The following FRAS1 variants were observed in gnomAD, a reference collection of about 807,000 sequenced individuals.
FRAS1 encodes extracellular matrix organizing protein FRAS1.
In FRAS1, 290 loss-of-function variants were observed where a neutral mutation model predicts 435.2. The observed-to-expected ratio is 0.67, with a 90% CI of 0.61 to 0.73. The LOEUF (loss-of-function observed/expected upper bound fraction) is 0.73. Among genes scored for constraint, FRAS1 ranks in the 30% least tolerant of loss-of-function variants. The pLI, the probability that FRAS1 is intolerant of heterozygous loss-of-function variation, is 0.00. For synonymous variants in FRAS1, 1,800 were observed against 1,851.0 expected (o/e 0.97, Z 0.71); for missense variants, 4,860 against 5,001.5 (o/e 0.97, Z 0.85).
At chr4:78,218,782 T>C (rs1158659323) in intron 2 of FRAS1, among the ~76,000 whole-genome samples, 1 of 152,178 alleles carries the variant, frequency 6.6e-6, no homozygotes, top group Non-Finnish European at 1.5e-5. Context: ...AACCAATTTG[T>C]TTGGGAGATT....
At chr4:78,181,892 T>C in intron 2 of FRAS1, 1 of 1,611,586 alleles carries the variant, frequency 6.2e-7, no homozygotes, top group South Asian at 1.1e-5. Context: ...AGCTGCGCTC[T>C]TGGCCCCAGG....
chr4:78,124,271 A>C (rs1301728603), intron 2 of FRAS1, among the ~76,000 whole-genome samples: 1 of 152,228 alleles, frequency 6.6e-6, no homozygotes, highest in Non-Finnish European at 1.5e-5. Flanking sequence ...ATGATGGATT[A>C]CGTTTATTGA....
intron 2 of FRAS1, among the ~76,000 whole-genome samples, chr4:78,157,836 T>A (rs532903673): frequency 6.6e-6 from 1 of 150,896 alleles, no homozygotes; most frequent in South Asian, 2.1e-4. Flanking sequence ...CATTTATCAA[T>A]TTTTGTTTTT....
chr4:78,199,724 A>C (rs568222395), intron 2 of FRAS1, among the ~76,000 whole-genome samples: 1 of 152,324 alleles, frequency 6.6e-6, no homozygotes, highest in African/African-American at 2.4e-5. Flanking sequence ...TTATGCTAAC[A>C]TTGATTTGAT....
At chr4:78,503,944 C>T (rs1252393212) in intron 61 of FRAS1, among the ~76,000 whole-genome samples, 3 of 152,144 alleles carry the variant, frequency 2.0e-5, no homozygotes, top group Non-Finnish European at 4.4e-5. Flanking sequence ...CAAAGAACAT[C>T]TTTATTTCTG....
At chr4:78,158,361 T>C (rs890740240) in intron 2 of FRAS1, among the ~76,000 whole-genome samples, 2 of 152,202 alleles carry the variant, frequency 1.3e-5, no homozygotes, top group Non-Finnish European at 2.9e-5. Flanking sequence ...CTTTAAGCAA[T>C]ATTTTGTTTT....
chr4:78,069,785 AG>A (rs778477761), intron 2 of FRAS1, among the ~76,000 whole-genome samples: 2,211 of 32,698 alleles, frequency 0.068, 13 homozygotes, highest in Non-Finnish European at 0.11. Context: ...CCCAGGAAAT[AG>A]TTTTTTTTTT....
At chr4:78,460,408 G>T (rs1047885111) in intron 47 of FRAS1, among the ~76,000 whole-genome samples, 1 of 152,188 alleles carries the variant, frequency 6.6e-6, no homozygotes, top group Non-Finnish European at 1.5e-5. Flanking sequence ...ATTTCAAATA[G>T]CAACTACCTG....
intron 18 of FRAS1, among the ~76,000 whole-genome samples, chr4:78,326,718 A>G (rs1729732991): frequency 6.6e-6 from 1 of 152,212 alleles, no homozygotes; most frequent in Non-Finnish European, 1.5e-5. Context: ...AAGTTTGCCC[A>G]AGAGTAAGAA....
chr4:78,301,851 T>TG (rs1560637594), intron 14 of FRAS1, among the ~76,000 whole-genome samples: 2 of 148,202 alleles, frequency 1.3e-5, no homozygotes, highest in African/African-American at 5.1e-5. Flanking sequence ...AAACAGTTTT[T>TG]TTTTTTTTTT....
At chr4:78,246,884 C>T (rs1266069047) in intron 4 of FRAS1, among the ~76,000 whole-genome samples, 2 of 152,168 alleles carry the variant, frequency 1.3e-5, no homozygotes, top group Admixed American at 1.3e-4. Flanking sequence ...GTGCAGTCTT[C>T]TTAATTTAAG....
intron 47 of FRAS1, among the ~76,000 whole-genome samples, chr4:78,457,974 A>C (rs981807315): frequency 1.3e-5 from 2 of 152,196 alleles, no homozygotes; most frequent in Non-Finnish European, 2.9e-5. Context: ...AGATTTCAAA[A>C]TGGAGGGACA....
Position 78,462,902 on chromosome 4 carries a change from T to C in FRAS1, c.6764-1119T>C, listed in dbSNP as rs116711531. Among the ~76,000 whole-genome samples the C allele has an allele frequency of 2.8e-3, 431 of 152,334 alleles. 1 individual carries two copies. The highest frequency in any genetic ancestry group is 9.8e-3 in the African/African-American group (408 of 41,582). On this transcript the variant is annotated intron_variant, in intron 47 of 73. Transcript: ENST00000512123. ...ATGTGTGTTGATTTTTTTTAACTTC[T>C]TAAAGATAAAGCAGTGATACTGATG...
intron 14 of FRAS1, among the ~76,000 whole-genome samples, chr4:78,305,930 A>C (rs575391977): frequency 6.7e-6 from 1 of 150,234 alleles, no homozygotes; most frequent in African/African-American, 2.4e-5. Flanking sequence ...TATTTTGCTC[A>C]TTAGTTGATG....
intron 36 of FRAS1, among the ~76,000 whole-genome samples, chr4:78,429,766 T>A (rs994344024): frequency 2.6e-5 from 4 of 152,238 alleles, no homozygotes; most frequent in Non-Finnish European, 4.4e-5. Flanking sequence ...GTTCTAGAGA[T>A]CCTTATCCAG....
chr4:78,157,589 T>A (rs150199754), intron 2 of FRAS1, among the ~76,000 whole-genome samples: 1 of 152,238 alleles, frequency 6.6e-6, no homozygotes, highest in African/African-American at 2.4e-5. Context: ...GCATTTTTCA[T>A]GTTTGTTGGC....
At chr4:78,321,581 C>T (rs112637552) in intron 18 of FRAS1, among the ~76,000 whole-genome samples, 1 of 152,150 alleles carries the variant, frequency 6.6e-6, no homozygotes, top group Admixed American at 6.5e-5. Flanking sequence ...CGGTGGCTCA[C>T]GCCTGTAATC....
intron 2 of FRAS1, among the ~76,000 whole-genome samples, chr4:78,210,151 A>T (rs1723441687): frequency 6.6e-6 from 1 of 152,072 alleles, no homozygotes; most frequent in Non-Finnish European, 1.5e-5. Flanking sequence ...TCTTCCTGGA[A>T]CAGCTGCTTC....
chr4:78,430,885 A>C (rs890351040), intron 37 of FRAS1, among the ~76,000 whole-genome samples: 1 of 152,252 alleles, frequency 6.6e-6, no homozygotes, highest in Admixed American at 6.5e-5. Context: ...TCTATGTGAT[A>C]TAACAGTGTG....
Sources: allele counts gnomAD v4.1 joint callset (sites outside exome capture counted in the v4.1 genomes callset), GRCh38; gene constraint gnomAD v4.1.1; transcripts MANE v1.5; gene names NCBI Gene and HGNC (gene_info 2026-07-23, HGNC 2026-07-21).